PREX2: variants seen among roughly 807,000 people sequenced by gnomAD.
The protein encoded by PREX2 is phosphatidylinositol-3,4,5-trisphosphate dependent Rac exchange factor 2.
PREX2 carries 107 observed loss-of-function variants against 203.2 expected under a neutral mutation model. The observed-to-expected ratio is 0.53, with a 90% CI of 0.45 to 0.62. The LOEUF (loss-of-function observed/expected upper bound fraction) is 0.62, where lower values mean the gene tolerates loss of function less well. PREX2 is among the 20% of genes least tolerant of loss of function. The pLI, the probability that PREX2 is intolerant of heterozygous loss-of-function variation, is 0.00. For missense variants in PREX2, 1,777 were observed against 1,955.9 expected, an observed-to-expected ratio of 0.91 and a Z score of 1.72; for synonymous variants, 672 against 663.6, an observed-to-expected ratio of 1.01 and a Z score of -0.19.
At position 68,093,636 on chromosome 8, in the gene PREX2, T is replaced by C; in HGVS notation, c.2282T>C (p.Ile761Thr). Residue 761 changes from isoleucine to threonine, a missense_variant, in exon 21 of 40, where the codon ATT becomes ACT. Transcript: ENST00000288368. Reference sequence around the variant, plus strand: ...TCCATACAATGGGTTTATAATAGCATTGAGAGTGCTCAAGAAGACCTTCAA... The same window carrying C: ...TCCATACAATGGGTTTATAATAGCACTGAGAGTGCTCAAGAAGACCTTCAA... The part of the protein sequence containing the change: ...QDSIQWVYNS[I>T]ESAQEDLQKS... 1 of 1,608,614 alleles carries C rather than the reference T, an allele frequency of 6.2e-7. No individual in the cohort carries two copies. Among genetic ancestry groups the C allele is most frequent in the Non-Finnish European group, 8.5e-7 (1 of 1,175,306 alleles).
chr8:68,101,246 T>A, intron 23 of PREX2: 1 of 453,888 alleles, frequency 2.2e-6, no homozygotes, highest in Non-Finnish European at 4.3e-6. Context: ...AATAGGGATG[T>A]GTGTAAATTA....
At chr8:68,116,070 C>A (rs1810652076) in intron 26 of PREX2, 138 bp downstream of exon 26, 4 of 691,622 alleles carry the variant, frequency 5.8e-6, no homozygotes, top group Non-Finnish European at 9.6e-6. Flanking sequence ...TTACTACCGA[C>A]CTCAGACAAA....
At chr8:68,134,460 T>A (rs185718172) in intron 32 of PREX2, among the ~76,000 whole-genome samples, 184 bp downstream of exon 32, 2 of 152,354 alleles carry the variant, frequency 1.3e-5, no homozygotes, top group Admixed American at 1.3e-4. Flanking sequence ...GTAGAATGTA[T>A]TCCTTCTTTC....
intron 18 of PREX2, among the ~76,000 whole-genome samples, chr8:68,084,571 T>G (rs35936122): frequency 0.22 from 33,053 of 152,006 alleles, 3,881 homozygotes; most frequent in African/African-American, 0.31. Context: ...ATTCATTAAA[T>G]TAGATGCTTT....
intron 1 of PREX2, among the ~76,000 whole-genome samples, chr8:68,008,811 A>G (rs527724510): frequency 5.3e-5 from 8 of 152,116 alleles, no homozygotes; most frequent in Non-Finnish European, 1.2e-4. Context: ...GCCTGCTGCC[A>G]TGTAAGATGT....
chr8:68,061,792 A>T (rs1198525712), intron 11 of PREX2, among the ~76,000 whole-genome samples: 1 of 152,142 alleles, frequency 6.6e-6, no homozygotes, highest in Admixed American at 6.5e-5. Context: ...GAAGCTCAGG[A>T]TAGAAATAAG....
rs1220068893 is a variant in PREX2 at position 68,172,247 on chromosome 8, A to T, written c.4346+14811A>T. ...TTTATAATGCTTGAAAGTTTTGTGG[A>T]TGTCTTTCCTACACATGAAATTTAT... On this transcript the variant is annotated intron_variant, in intron 35 of 39. Coordinates refer to ENST00000288368, the MANE Select transcript of PREX2 (RefSeq NM_024870.4). Among the ~76,000 whole-genome samples, 3 of 152,188 alleles carry T rather than the reference A, an allele frequency of 2.0e-5. No homozygotes were observed. In the East Asian group the frequency reaches 5.8e-4, roughly 29 times the overall value.
intron 1 of PREX2, among the ~76,000 whole-genome samples, chr8:67,985,891 C>T (rs1283721202): frequency 6.6e-6 from 1 of 151,946 alleles, no homozygotes; most frequent in African/African-American, 2.4e-5. Flanking sequence ...GAGTGGTGTC[C>T]CTTTAATTCT....
chr8:68,000,962 A>G (rs1806920202), intron 1 of PREX2, among the ~76,000 whole-genome samples: 1 of 152,232 alleles, frequency 6.6e-6, no homozygotes, highest in Non-Finnish European at 1.5e-5. Flanking sequence ...AGATAGATAA[A>G]AGGCTTAAAT....
chr8:67,997,939 G>A (rs954429317), intron 1 of PREX2, among the ~76,000 whole-genome samples: 1 of 152,022 alleles, frequency 6.6e-6, no homozygotes, highest in Admixed American at 6.6e-5. Context: ...ATTATTTTAA[G>A]ATTTTTATCG....
In PREX2 at chr8:68,109,591, A is replaced by G. The variant is rs765785930; in HGVS notation, c.3114A>G (p.Lys1038=). Residue 1038 remains lysine, a synonymous_variant, in exon 25 of 40, where the codon AAA becomes AAG. Transcript: ENST00000288368. ...TGGGCAAACTTCAGACTGCACTGAA[A>G]GAGGTGGAGATGTGTGTTTGTCAAA... ...KLLGKLQTAL[K]EVEMCVCQID... 1.9e-6 allele frequency: 3 copies of G among 1,613,968 alleles called. No individual in the cohort carries two copies. Among genetic ancestry groups the G allele is most frequent in the South Asian group, 2.2e-5 (2 of 91,080 alleles).
In PREX2 at chr8:67,952,166, C is replaced by G. The variant is rs1805357875; in HGVS notation, c.-229C>G. The G allele has an allele frequency of 2.7e-6, 1 of 364,598 alleles. No individual in the cohort carries two copies. The highest frequency in any genetic ancestry group is 2.1e-5 in the African/African-American group (1 of 46,702). 22.6% of individuals were successfully genotyped at this position (364,598 alleles called of 1,614,324 possible). A position where few individuals can be genotyped will look rare whatever the true frequency, so the allele number is the denominator to read the frequency against. On this transcript the variant is annotated 5_prime_UTR_variant, in exon 1 of 40. Transcript: ENST00000288368. ...GCAGGGCCTGGCCGGAGCCCCCACT[C>G]CCAGGAGTTTCCTCTGCAGAGCCCC... is the stretch of plus-strand genomic sequence containing the variant.
chr8:68,225,367 C>A (rs1000874636), intron 39 of PREX2, among the ~76,000 whole-genome samples: 5 of 152,102 alleles, frequency 3.3e-5, no homozygotes, highest in African/African-American at 1.2e-4. Context: ...TAAATAATAG[C>A]CATCAGAGAA....
chr8:68,022,789 C>G (rs1807608972), intron 4 of PREX2, among the ~76,000 whole-genome samples: 1 of 152,042 alleles, frequency 6.6e-6, no homozygotes, highest in African/African-American at 2.4e-5. Context: ...TACAGCCTAT[C>G]TCTGTACCCA....
At chr8:68,011,237 A>G (rs1807249836) in intron 1 of PREX2, among the ~76,000 whole-genome samples, 1 of 151,744 alleles carries the variant, frequency 6.6e-6, no homozygotes. Context: ...TTCTCTGATC[A>G]TGGGAGTACA....
chr8:68,158,703 G>A (rs1168259797), intron 35 of PREX2, among the ~76,000 whole-genome samples: 6 of 152,102 alleles, frequency 3.9e-5, no homozygotes, highest in Admixed American at 6.6e-5. Context: ...GGGACTAGGA[G>A]GATGTAATTG....
At chr8:68,004,438 T>C (rs1050335861) in intron 1 of PREX2, among the ~76,000 whole-genome samples, 1 of 152,230 alleles carries the variant, frequency 6.6e-6, no homozygotes, top group Admixed American at 6.5e-5. Flanking sequence ...GGTAGTTATT[T>C]CAAGTTCATT....
At chr8:68,074,076 C>T (rs1174985643) in intron 14 of PREX2, among the ~76,000 whole-genome samples, 1 of 151,896 alleles carries the variant, frequency 6.6e-6, no homozygotes, top group Non-Finnish European at 1.5e-5. Flanking sequence ...AAGTAATTCT[C>T]CTGCCTCAGC....
At chr8:68,183,210 A>C (rs922214870) in intron 35 of PREX2, among the ~76,000 whole-genome samples, 1 of 152,264 alleles carries the variant, frequency 6.6e-6, no homozygotes, top group Admixed American at 6.5e-5. Context: ...ATTGGAGTTA[A>C]ATAGGGTATA....
Sources: gnomAD v4.1 joint callset for allele counts (sites outside exome capture counted in the v4.1 genomes callset) on GRCh38, gnomAD v4.1.1 for gene constraint, MANE v1.5 for transcripts, NCBI Gene and HGNC (gene_info 2026-07-23, HGNC 2026-07-21) for gene names.